Variants in HDAC11 observed in about 807,000 individuals in gnomAD.
HDAC11 encodes the protein histone deacetylase 11.
In HDAC11, 23 loss-of-function variants were observed where a neutral mutation model predicts 41.1. The observed-to-expected ratio is 0.56, with a 90% CI of 0.40 to 0.79. The LOEUF (loss-of-function observed/expected upper bound fraction) is 0.79. Ranked by LOEUF, HDAC11 falls within the 30% of genes least tolerant of loss-of-function variation. HDAC11 has a pLI of 0.00. For missense variants in HDAC11, 402 were observed against 477.3 expected (o/e 0.84, Z 1.47); for synonymous variants, 187 against 186.6 (o/e 1.00, Z -0.02).
intron 4 of HDAC11, among the ~76,000 whole-genome samples, chr3:13,497,155 C>T (rs1462385765): frequency 2.6e-5 from 4 of 151,980 alleles, no homozygotes; most frequent in African/African-American, 9.7e-5. Flanking sequence ...TTAAGGCACA[C>T]CCCCTCACCA....
chr3:13,502,938 G>A lies in HDAC11; in HGVS notation c.607G>A (p.Val203Ile). 2 of 1,613,534 alleles carry A rather than the reference G, an allele frequency of 1.2e-6. No individual in the cohort carries two copies. Among genetic ancestry groups the A allele is most frequent in the African/African-American group, 1.3e-5 (1 of 75,040 alleles). The change falls in exon 8 of 10, where the codon GTC becomes ATC. Residue 203 changes from valine (V) to isoleucine (I), a missense_variant. Val to Ile is a conservative substitution (Grantham distance 29, BLOSUM62 3). Coordinates refer to ENST00000295757, the MANE Select transcript of HDAC11 (RefSeq NM_024827.4). This position sits in a 1 kb window ranked among gnomAD's most constrained non-coding sequence, Gnocchi z 4.1. ...MDDKRVYIMD[V>I]YNRHIYPGDR... ...CGACAAGCGTGTGTACATCATGGAT[G>A]TCTACAACCGCCACATCTACCCAGG...
At chr3:13,485,137 A>G (rs903740918) in intron 3 of HDAC11, among the ~76,000 whole-genome samples, 6 of 152,236 alleles carry the variant, frequency 3.9e-5, no homozygotes, top group African/African-American at 1.4e-4. Context: ...GACCCCTGGC[A>G]GGTCATCCAG....
intron 5 of HDAC11, among the ~76,000 whole-genome samples, chr3:13,500,303 T>A (rs919680527): frequency 5.9e-5 from 9 of 151,960 alleles, no homozygotes; most frequent in African/African-American, 2.2e-4. Context: ...CTGTAGGCAG[T>A]CATGACCAGC....
chr3:13,497,266 C>T lies in HDAC11; in HGVS notation c.369+414C>T, dbSNP rs958217811. On this transcript the variant is annotated intron_variant, in intron 4 of 9. Transcript: ENST00000295757. ...TGATCTTGGCTCACTGCAACCTCTG[C>T]CTCCTAGGTTCAAGCGATTCTCTTG... Among the ~76,000 whole-genome samples, 7 of 151,880 alleles carry T rather than the reference C, an allele frequency of 4.6e-5. 1 individual carries two copies. The highest frequency in any genetic ancestry group is 3.9e-4 in the Admixed American group (6 of 15,244).
At position 13,504,636 on chromosome 3, in the gene HDAC11, T is replaced by A. The variant is rs749110177; in HGVS notation, c.997T>A (p.Ser333Thr). Residue 333 changes from serine (S) to threonine (T), a missense_variant, in exon 10 of 10, where the codon TCC becomes ACC. Ser to Thr is a moderately conservative substitution (Grantham distance 58). Transcript: ENST00000295757. The part of the protein sequence containing the change: ...GLIGPESPSV[S>T]AQNSDTPLLP... Reference sequence around the variant, plus strand: ...CATTGGGCCTGAGTCACCCAGCGTCTCCGCACAGAACTCAGACACACCGCT... The same window carrying A: ...CATTGGGCCTGAGTCACCCAGCGTCACCGCACAGAACTCAGACACACCGCT... 1 of 1,613,862 alleles carries A rather than the reference T, an allele frequency of 6.2e-7. No individual in the cohort carries two copies. Among genetic ancestry groups the A allele is most frequent in the South Asian group, 1.1e-5 (1 of 91,088 alleles).
In HDAC11 at chr3:13,500,762, C is replaced by CTA. The variant is rs1702323238; in HGVS notation, c.464_465dup (p.Ala156MetfsTer125). 6.3e-7 allele frequency: 1 copy of CTA among 1,584,846 alleles called. No homozygotes were observed. The highest frequency in any genetic ancestry group is 8.6e-7 in the Non-Finnish European group (1 of 1,164,356). The stretch of plus-strand genomic sequence containing the variant: ...GCGACCGTGGCGGGGGCTTCTGTGC[C>CTA]TATGCGGACATCACGCTCGCCATCA... On this transcript the variant is annotated frameshift_variant, in exon 6 of 10. Coordinates refer to ENST00000295757, the MANE Select transcript of HDAC11 (RefSeq NM_024827.4). LOFTEE classifies it high-confidence loss of function.
In HDAC11 at chr3:13,500,780, C is replaced by T. The variant is rs750839749; in HGVS notation, c.480C>T (p.Leu160=). Residue 160 remains leucine (L), a synonymous_variant, in exon 6 of 10, where the codon CTC becomes CTT. Transcript: ENST00000295757. The part of the protein sequence containing the change: ...GGFCAYADIT[L]AIKFLFERVE... ...TCTGTGCCTATGCGGACATCACGCT[C>T]GCCATCAAGGTGTGTCTATGAGCAA... 1.5e-5 allele frequency: 24 copies of T among 1,572,586 alleles called. No homozygotes were observed. Among genetic ancestry groups the T allele is most frequent in the African/African-American group, 5.4e-5 (4 of 74,132 alleles).
rs955168242 is a variant in HDAC11 at position 13,506,287 on chromosome 3, C to T, written c.*1604C>T. 4 of 152,218 alleles carry T rather than the reference C, an allele frequency of 2.6e-5. No individual in the cohort carries two copies. The highest frequency in any genetic ancestry group is 5.9e-5 in the Non-Finnish European group (4 of 68,046). 9.4% of individuals were successfully genotyped at this position (152,218 alleles called of 1,614,324 possible). On this transcript the variant is annotated 3_prime_UTR_variant, in exon 10 of 10. Transcript: ENST00000295757. Reference sequence around the variant, plus strand: ...GAGAATCCTAGAGGCTTGATTGGCCCAGGCTGCTGTGTGTGCTGGAGGCAA... The same window carrying T: ...GAGAATCCTAGAGGCTTGATTGGCCTAGGCTGCTGTGTGTGCTGGAGGCAA...
chr3:13,481,760 A>G (rs1270933146), intron 2 of HDAC11, among the ~76,000 whole-genome samples: 2 of 152,184 alleles, frequency 1.3e-5, no homozygotes, highest in East Asian at 1.9e-4. Context: ...TCTCTTGATT[A>G]CAGATGGGGG....
intron 8 of HDAC11, among the ~76,000 whole-genome samples, chr3:13,503,438 C>T (rs1702465909): frequency 6.6e-6 from 1 of 152,192 alleles, no homozygotes; most frequent in Non-Finnish European, 1.5e-5. Context: ...GTGGCGCATG[C>T]CTGTAATCCC....
At chr3:13,500,633 G>A in intron 5 of HDAC11, 80 bp from the exon 6 acceptor site, 1 of 1,118,752 alleles carries the variant, frequency 8.9e-7, no homozygotes, top group Non-Finnish European at 1.3e-6. Flanking sequence ...GGATGCTGGG[G>A]GAGGTGAAGG....
intron 3 of HDAC11, among the ~76,000 whole-genome samples, chr3:13,491,068 T>TTGTGTGTGTGTG (rs58333021): frequency 7.1e-6 from 1 of 140,312 alleles, no homozygotes; most frequent in African/African-American, 2.7e-5. Context: ...GCTTTAATAG[T>TTGTGTGTGTGTG]TGTGTGTGTG....
rs192968947 is a variant in HDAC11 at position 13,500,269 on chromosome 3, C to T, written c.413-444C>T. On this transcript the variant is annotated intron_variant, in intron 5 of 9. Transcript: ENST00000295757. ...CTCAGGGTTGAGGGGTGATGGATCC[C>T]GGGCTCTAGGGCCCTCCTCGTGGCT... 2.8e-4 allele frequency among the ~76,000 whole-genome samples: 43 copies of T among 152,016 alleles called. No homozygotes were observed. In the East Asian group the frequency reaches 8.0e-3, roughly 28 times the overall value.
chr3:13,504,589 T>C lies in HDAC11; in HGVS notation c.950T>C (p.Leu317Pro). The C allele has an allele frequency of 6.2e-7, 1 of 1,613,810 alleles. No individual in the cohort carries two copies. The highest frequency in any genetic ancestry group is 8.5e-7 in the Non-Finnish European group (1 of 1,180,022). Residue 317 changes from leucine to proline, a missense_variant, in exon 10 of 10, where the codon CTT (leucine) becomes CCT (proline). By Grantham distance (98) the Leu-to-Pro change is moderately conservative (BLOSUM62 -3). Transcript: ENST00000295757. ...RTARIIADSI[L>P]NLFGLGLIGP... ...GCCCGCATCATTGCTGACTCCATAC[T>C]TAATCTGTTTGGCCTGGGGCTCATT...
chr3:13,485,622 A>G (rs934947348), intron 3 of HDAC11, among the ~76,000 whole-genome samples: 1 of 152,150 alleles, frequency 6.6e-6, no homozygotes, highest in African/African-American at 2.4e-5. Context: ...TTACTATGTG[A>G]TATATAATAA....
chr3:13,480,508 TC>T lies in HDAC11; in HGVS notation c.2+162del, dbSNP rs1346280801. 6 of 366,378 alleles carry T rather than the reference TC, an allele frequency of 1.6e-5. No individual in the cohort carries two copies. In the Admixed American group the frequency reaches 3.1e-4, roughly 19 times the overall value. The allele number at this position is 366,378 out of a possible 1,614,324, so 22.7% of individuals were successfully genotyped here. The stretch of plus-strand genomic sequence containing the variant: ...GCTCGGGACGGGTGTTTCCAGGCCC[TC>T]CCGGCGCGCCAGGCCAGCCCCGCGC... On this transcript the variant is annotated intron_variant, in intron 1 of 9. Coordinates refer to ENST00000295757, the MANE Select transcript of HDAC11 (RefSeq NM_024827.4). This position sits in a 1 kb window ranked among gnomAD's most constrained non-coding sequence, Gnocchi z 4.6.
intron 5 of HDAC11, among the ~76,000 whole-genome samples, chr3:13,500,348 C>G (rs894338151): frequency 6.6e-6 from 1 of 152,186 alleles, no homozygotes; most frequent in Non-Finnish European, 1.5e-5. Context: ...GCTTTGGCCA[C>G]TGGCAGAATC....
chr3:13,501,194 C>T (rs1255301034), intron 6 of HDAC11, among the ~76,000 whole-genome samples: 1 of 152,220 alleles, frequency 6.6e-6, no homozygotes, highest in East Asian at 1.9e-4. Context: ...AGGACTTACT[C>T]CCTGAATCCT....
Position 13,504,705 on chromosome 3 carries a change from C to T in HDAC11, c.*22C>T, listed in dbSNP as rs757211633. 27 of 1,597,372 alleles carry T rather than the reference C, an allele frequency of 1.7e-5. No homozygotes were observed. The highest frequency in any genetic ancestry group is 1.7e-4 in the Middle Eastern group (1 of 6,042). On this transcript the variant is annotated 3_prime_UTR_variant, in exon 10 of 10. Coordinates refer to ENST00000295757, the MANE Select transcript of HDAC11 (RefSeq NM_024827.4). Reference sequence around the variant, plus strand: ...CTGACCCTTGCTGCCCTGCCTGTCACGTGGCCCTGCCTATCCGCCCCTTAG... The same window carrying T: ...CTGACCCTTGCTGCCCTGCCTGTCATGTGGCCCTGCCTATCCGCCCCTTAG...
Sources: allele counts gnomAD v4.1 joint callset (sites outside exome capture counted in the v4.1 genomes callset), GRCh38; gene constraint gnomAD v4.1.1; non-coding constraint Gnocchi (gnomAD v3.1); transcripts MANE v1.5; gene names NCBI Gene and HGNC (gene_info 2026-07-23, HGNC 2026-07-21).